Variants in GPC5 observed in about 807,000 individuals in gnomAD.
The protein encoded by GPC5 is glypican-5.
Under a neutral mutation model 53.9 loss-of-function variants are expected in GPC5, and 47 were observed. That is an observed-to-expected ratio of 0.87 (90% CI 0.69 to 1.11). GPC5 has a LOEUF of 1.11. Ranked by LOEUF, GPC5 falls within the 50% of genes most tolerant of loss-of-function variation. The probability of loss-of-function intolerance (pLI) is 0.00; values close to 1 mark genes in which losing one functional copy is unlikely to be tolerated. For missense variants in GPC5, 748 were observed against 713.1 expected, an observed-to-expected ratio of 1.05 and a Z score of -0.56; for synonymous variants, 286 against 263.3, an observed-to-expected ratio of 1.09 and a Z score of -0.84.
chr13:91,558,838 T>TGC (rs550033932), intron 2 of GPC5, among the ~76,000 whole-genome samples: 9,459 of 152,134 alleles, frequency 0.062, 391 homozygotes, highest in Non-Finnish European at 0.089. Context: ...ATCTCAGTCA[T>TGC]GAGGGGGTTG....
At chr13:92,540,351 A>G (rs1881894004) in intron 7 of GPC5, among the ~76,000 whole-genome samples, 1 of 152,030 alleles carries the variant, frequency 6.6e-6, no homozygotes, top group South Asian at 2.1e-4. Context: ...AGATGACTAT[A>G]AATATGAATA....
chr13:92,528,377 G>C (rs1047357306), intron 7 of GPC5, among the ~76,000 whole-genome samples: 6 of 152,094 alleles, frequency 3.9e-5, no homozygotes, highest in African/African-American at 1.4e-4. Context: ...TTAGCTTACA[G>C]AGTTATTTTA....
At chr13:92,715,141 T>C (rs1888286351) in intron 7 of GPC5, among the ~76,000 whole-genome samples, 1 of 152,174 alleles carries the variant, frequency 6.6e-6, no homozygotes, top group Admixed American at 6.5e-5. Context: ...TTTGTACGTA[T>C]ACATGTTGCA....
intron 7 of GPC5, among the ~76,000 whole-genome samples, chr13:92,817,228 T>G (rs982370841): frequency 1.2e-4 from 19 of 152,028 alleles, no homozygotes; most frequent in African/African-American, 4.4e-4. Context: ...GCTGTTACAA[T>G]GAAGCAGAAA....
chr13:92,777,022 C>CAAAAA (rs1243297680), intron 7 of GPC5, among the ~76,000 whole-genome samples: 3 of 26,684 alleles, frequency 1.1e-4, no homozygotes, highest in East Asian at 1.1e-3. Flanking sequence ...GACCCTGCCT[C>CAAAAA]AAAAAAAAAA....
intron 7 of GPC5, among the ~76,000 whole-genome samples, chr13:92,825,831 C>A (rs146145166): frequency 1.3e-5 from 2 of 152,154 alleles, no homozygotes; most frequent in East Asian, 3.9e-4. Context: ...CTATAGATTG[C>A]ATTCTGTTTC....
intron 6 of GPC5, among the ~76,000 whole-genome samples, chr13:92,038,117 T>A (rs2040908481): frequency 6.6e-6 from 1 of 151,954 alleles, no homozygotes; most frequent in Admixed American, 6.6e-5. Flanking sequence ...ATTTAAAAGA[T>A]AGTCATGACA....
chr13:92,650,762 G>A (rs1594382891), intron 7 of GPC5, among the ~76,000 whole-genome samples: 1 of 152,142 alleles, frequency 6.6e-6, no homozygotes, highest in African/African-American at 2.4e-5. Flanking sequence ...TTGGTATACA[G>A]TGAAATTTTT....
intron 2 of GPC5, among the ~76,000 whole-genome samples, chr13:91,625,306 A>G (rs1222302300): frequency 6.6e-6 from 1 of 152,078 alleles, no homozygotes; most frequent in Non-Finnish European, 1.5e-5. Flanking sequence ...ATTAATCAAG[A>G]CAGGAAACTT....
intron 2 of GPC5, among the ~76,000 whole-genome samples, chr13:91,573,931 T>C (rs2032039145): frequency 6.6e-6 from 1 of 152,212 alleles, no homozygotes. Flanking sequence ...TATCTATGTC[T>C]ATACCTGTAT....
intron 7 of GPC5, among the ~76,000 whole-genome samples, chr13:92,739,953 C>T (rs1198124750): frequency 6.6e-6 from 1 of 151,932 alleles, no homozygotes; most frequent in Non-Finnish European, 1.5e-5. Context: ...AAAATTTAAG[C>T]TTCCTCCTCA....
chr13:92,102,672 A>T (rs1395954301), intron 6 of GPC5, among the ~76,000 whole-genome samples: 1 of 152,194 alleles, frequency 6.6e-6, no homozygotes, highest in Non-Finnish European at 1.5e-5. Context: ...GGAAGGATTC[A>T]TTTAGGTAAT....
chr13:91,804,593 G>A (rs764459208), intron 5 of GPC5, among the ~76,000 whole-genome samples: 1 of 152,194 alleles, frequency 6.6e-6, no homozygotes, highest in East Asian at 1.9e-4. Context: ...TTAAAACAGA[G>A]AGAGGGAGAG....
chr13:91,638,140 AG>A (rs1207418568), intron 2 of GPC5, among the ~76,000 whole-genome samples: 1 of 152,206 alleles, frequency 6.6e-6, no homozygotes, highest in Non-Finnish European at 1.5e-5. Flanking sequence ...AGAGAAAACA[AG>A]CACAGAAAGG....
intron 5 of GPC5, among the ~76,000 whole-genome samples, chr13:91,894,181 T>C (rs1161549979): frequency 1.3e-5 from 2 of 152,216 alleles, no homozygotes; most frequent in African/African-American, 4.8e-5. Flanking sequence ...AGAAGGTGTC[T>C]AACTTGCTGG....
chr13:92,791,891 C>T (rs1876477353), intron 7 of GPC5, among the ~76,000 whole-genome samples: 1 of 151,948 alleles, frequency 6.6e-6, no homozygotes, highest in African/African-American at 2.4e-5. Context: ...TTTAAGTGCA[C>T]AATTTAGTGG....
intron 7 of GPC5, among the ~76,000 whole-genome samples, chr13:92,744,098 C>A (rs990974488): frequency 6.6e-6 from 1 of 152,026 alleles, no homozygotes; most frequent in Non-Finnish European, 1.5e-5. Flanking sequence ...AGATTAGGGT[C>A]ATCTCCTCTA....
chr13:92,493,365 T>A (rs908347267), intron 7 of GPC5, among the ~76,000 whole-genome samples: 3 of 152,206 alleles, frequency 2.0e-5, no homozygotes, highest in South Asian at 2.1e-4. Context: ...AACACTTTTT[T>A]AAAAACTACT....
chr13:92,843,811 C>G (rs1054609368), intron 7 of GPC5, among the ~76,000 whole-genome samples: 2 of 152,074 alleles, frequency 1.3e-5, no homozygotes, highest in African/African-American at 4.8e-5. Context: ...AATTACACAG[C>G]TGATGTAACT....
Sources: gnomAD v4.1 joint callset for allele counts (sites outside exome capture counted in the v4.1 genomes callset) on GRCh38, gnomAD v4.1.1 for gene constraint, MANE v1.5 for transcripts, NCBI Gene and HGNC (gene_info 2026-07-23, HGNC 2026-07-21) for gene names.